CRISPLD1: variants seen among roughly 807,000 people sequenced by gnomAD.
The protein encoded by CRISPLD1 is cysteine-rich secretory protein LCCL domain-containing 1.
Under a neutral mutation model 77.5 loss-of-function variants are expected in CRISPLD1, and 60 were observed. That is an observed-to-expected ratio of 0.77 (90% CI 0.63 to 0.96). The LOEUF is 0.96. Among genes scored for constraint, CRISPLD1 ranks in the 40% least tolerant of loss-of-function variants. CRISPLD1 has a pLI of 0.00. For missense variants in CRISPLD1, 623 were observed against 615.8 expected (o/e 1.01, Z -0.12); for synonymous variants, 195 against 200.1 (o/e 0.97, Z 0.22).
chr8:74,989,827 C>G (rs1205601593), intron 2 of CRISPLD1, among the ~76,000 whole-genome samples: 1 of 152,130 alleles, frequency 6.6e-6, no homozygotes, highest in African/African-American at 2.4e-5. Context: ...GGGCCAGTGT[C>G]TAGAAGAGTT....
chr8:75,012,785 C>T (rs1011270204), intron 3 of CRISPLD1, 105 bp from the exon 4 acceptor site: 173 of 1,306,108 alleles, frequency 1.3e-4, no homozygotes, highest in Admixed American at 3.1e-4. Context: ...TAATAGTTTA[C>T]GCCAAAGTGT....
intron 13 of CRISPLD1, among the ~76,000 whole-genome samples, chr8:75,028,108 C>T (rs868623360): frequency 3.3e-5 from 5 of 152,084 alleles, no homozygotes; most frequent in Admixed American, 1.3e-4. Flanking sequence ...GAAATGTGCA[C>T]GGAATTATTT....
chr8:75,000,154 A>T (rs558043875), intron 2 of CRISPLD1: 17 of 985,248 alleles, frequency 1.7e-5, no homozygotes, highest in Admixed American at 6.2e-5. Context: ...AGTAACCACC[A>T]GAACGCTGGA....
intron 2 of CRISPLD1, among the ~76,000 whole-genome samples, chr8:74,987,158 A>C (rs1212354012): frequency 1.3e-5 from 2 of 152,212 alleles, no homozygotes; most frequent in African/African-American, 4.8e-5. Context: ...CTTTATTTAG[A>C]TAATTTTCAT....
At chr8:74,999,953 C>T (rs62522766) in intron 2 of CRISPLD1, among the ~76,000 whole-genome samples, 22 of 149,930 alleles carry the variant, frequency 1.5e-4, no homozygotes, top group African/African-American at 2.2e-4. Context: ...ATACAGCCAC[C>T]GACAGAATAA....
intron 2 of CRISPLD1, chr8:75,000,319 G>C (rs997175970): frequency 4.1e-6 from 4 of 985,390 alleles, no homozygotes; most frequent in Non-Finnish European, 3.6e-6. Flanking sequence ...GAGAGGGGCA[G>C]CTCTTGAAGG....
At chr8:75,023,513 A>G (rs1254621899) in intron 12 of CRISPLD1, among the ~76,000 whole-genome samples, 1 of 152,232 alleles carries the variant, frequency 6.6e-6, no homozygotes, top group East Asian at 1.9e-4. Context: ...TATGTGAAGT[A>G]TATACACTCT....
intron 14 of CRISPLD1, among the ~76,000 whole-genome samples, chr8:75,031,257 T>C (rs1187022384): frequency 1.3e-5 from 2 of 152,086 alleles, no homozygotes; most frequent in Non-Finnish European, 1.5e-5. Flanking sequence ...TTTTTTCTTG[T>C]ATGAATAAAT....
intron 12 of CRISPLD1, among the ~76,000 whole-genome samples, chr8:75,025,046 A>G (rs1487808340): frequency 6.6e-6 from 1 of 152,212 alleles, no homozygotes; most frequent in Non-Finnish European, 1.5e-5. Flanking sequence ...AAGCAGTAGG[A>G]TATTCAAGTA....
chr8:75,007,333 G>A (rs914586882), intron 2 of CRISPLD1, among the ~76,000 whole-genome samples: 4 of 152,122 alleles, frequency 2.6e-5, no homozygotes, highest in Non-Finnish European at 5.9e-5. Flanking sequence ...AATATACAGT[G>A]ATGCAACCTA....
intron 3 of CRISPLD1, 63 bp from the exon 4 acceptor site, chr8:75,012,827 A>G: frequency 1.3e-6 from 2 of 1,536,552 alleles, no homozygotes; most frequent in Admixed American, 1.9e-5. Flanking sequence ...TGTATTTTGC[A>G]ATATTTAGTT....
intron 3 of CRISPLD1, 128 bp from the exon 4 acceptor site, chr8:75,012,762 A>T: frequency 9.3e-7 from 1 of 1,079,404 alleles, no homozygotes; most frequent in East Asian, 2.5e-5. Flanking sequence ...TAAGGGGCAT[A>T]AAAATTTAAG....
intron 2 of CRISPLD1, among the ~76,000 whole-genome samples, chr8:74,990,369 G>A (rs577381162): frequency 6.6e-6 from 1 of 151,780 alleles, no homozygotes; most frequent in African/African-American, 2.4e-5. Flanking sequence ...TTCTTCAAGT[G>A]TTTGCCGTAT....
chr8:74,999,806 C>T (rs1253684738), intron 2 of CRISPLD1, among the ~76,000 whole-genome samples: 2 of 145,700 alleles, frequency 1.4e-5, no homozygotes, highest in East Asian at 4.0e-4. Context: ...ACTTATAATA[C>T]ACAATGTTGG....
At position 75,032,723 on chromosome 8, in the gene CRISPLD1, C is replaced by T. The variant is rs1813373378; in HGVS notation, c.*481C>T. ...CCAAATAATCTCAAATAATTTTCCA[C>T]TTAATAACTGTAAAGTTTTTTTCTG... is the stretch of plus-strand genomic sequence containing the variant. On this transcript the variant is annotated 3_prime_UTR_variant, in exon 15 of 15. Transcript: ENST00000262207. The T allele has an allele frequency of 6.6e-6, 1 of 152,016 alleles. No homozygotes were observed. Among genetic ancestry groups the T allele is most frequent in the Non-Finnish European group, 1.5e-5 (1 of 67,864 alleles). The allele number at this position is 152,016 out of a possible 1,614,324, so 9.4% of individuals were successfully genotyped here.
chr8:75,016,038 CAA>C (rs1025638297), intron 6 of CRISPLD1, among the ~76,000 whole-genome samples: 4 of 152,148 alleles, frequency 2.6e-5, no homozygotes, highest in Non-Finnish European at 5.9e-5. Flanking sequence ...TCTCCATACT[CAA>C]GTTTAAATTT....
intron 2 of CRISPLD1, chr8:75,000,444 A>G (rs766931157): frequency 2.3e-5 from 23 of 984,010 alleles, no homozygotes; most frequent in Non-Finnish European, 2.7e-5. Flanking sequence ...AAGCAGTGCT[A>G]TCTCACATGA....
intron 2 of CRISPLD1, among the ~76,000 whole-genome samples, chr8:74,989,541 G>GT (rs3033047): frequency 0.14 from 20,247 of 147,408 alleles, 1,558 homozygotes; most frequent in African/African-American, 0.21. Context: ...CCATTTTTAT[G>GT]TTTTTTTTTT....
chr8:75,008,562 T>C (rs1188419574), intron 2 of CRISPLD1, among the ~76,000 whole-genome samples: 1 of 152,200 alleles, frequency 6.6e-6, no homozygotes, highest in Non-Finnish European at 1.5e-5. Context: ...TAAACAGGTA[T>C]GCTTTATTCG....
Sources: gnomAD v4.1 joint callset for allele counts (sites outside exome capture counted in the v4.1 genomes callset) on GRCh38, gnomAD v4.1.1 for gene constraint, MANE v1.5 for transcripts, NCBI Gene and HGNC (gene_info 2026-07-23, HGNC 2026-07-21) for gene names.